NNT: variants seen among roughly 807,000 people sequenced by gnomAD.
NNT encodes the protein NAD(P) transhydrogenase, mitochondrial.
A neutral mutation model predicts 104.8 loss-of-function variants in NNT; 50 were observed. The observed-to-expected ratio is 0.48, with a 90% CI of 0.38 to 0.60. NNT has a LOEUF of 0.60. NNT is among the 20% of genes least tolerant of loss of function. The pLI, the probability that NNT is intolerant of heterozygous loss-of-function variation, is 0.00. For synonymous variants in NNT, 461 were observed against 490.4 expected (o/e 0.94, Z 0.79); for missense variants, 1,131 against 1,330.7 (o/e 0.85, Z 2.33).
intron 5 of NNT, 121 bp from the exon 6 acceptor site, chr5:43,623,911 C>T (rs774624334): frequency 2.2e-5 from 19 of 872,782 alleles, no homozygotes; most frequent in Non-Finnish European, 3.3e-5. Flanking sequence ...TCATCATTAT[C>T]ACCATCTGCA....
chr5:43,657,461 G>GTT (rs1333425901), intron 16 of NNT, among the ~76,000 whole-genome samples: 5 of 152,074 alleles, frequency 3.3e-5, no homozygotes, highest in Admixed American at 3.3e-4. Flanking sequence ...GTTATTCACT[G>GTT]TTACTCATGT....
intron 18 of NNT, among the ~76,000 whole-genome samples, chr5:43,676,862 C>T (rs898087344): frequency 6.6e-6 from 1 of 151,990 alleles, no homozygotes; most frequent in Non-Finnish European, 1.5e-5. Context: ...GTTTTTAGGA[C>T]TTAGAGAATA....
chr5:43,678,669 A>G (rs961624148), intron 19 of NNT, among the ~76,000 whole-genome samples: 1 of 152,126 alleles, frequency 6.6e-6, no homozygotes, highest in African/African-American at 2.4e-5. Context: ...CCAAGTAATA[A>G]ACCTGTGCCC....
chr5:43,672,553 CA>C (rs1406244024), intron 17 of NNT, among the ~76,000 whole-genome samples: 2 of 152,338 alleles, frequency 1.3e-5, no homozygotes, highest in East Asian at 3.9e-4. Flanking sequence ...AGGTCCACTC[CA>C]GACCGTGTTT....
chr5:43,686,691 A>T (rs1273715149), intron 19 of NNT, among the ~76,000 whole-genome samples: 1 of 152,136 alleles, frequency 6.6e-6, no homozygotes. Flanking sequence ...ATGAACATTT[A>T]TATTATTATA....
At chr5:43,690,111 A>G (rs1742187650) in intron 19 of NNT, among the ~76,000 whole-genome samples, 1 of 152,150 alleles carries the variant, frequency 6.6e-6, no homozygotes, top group Non-Finnish European at 1.5e-5. Flanking sequence ...TAATCGAGGA[A>G]AACCCCCCTG....
intron 10 of NNT, chr5:43,647,951 A>G (rs774050443): frequency 1.3e-5 from 6 of 473,630 alleles, no homozygotes; most frequent in South Asian, 7.7e-5. Context: ...TGATAATTTT[A>G]CCTATGAAGA....
Position 43,609,364 on chromosome 5 carries a change from T to A in NNT, c.151+18T>A. On this transcript the variant is annotated intron_variant, in intron 2 of 21. Transcript: ENST00000344920. ...AAAACCAGGTAAAGTCTCACTTCAG[T>A]GATTGTAAATGAAACCTTCAAGTCA... The A allele has an allele frequency of 1.9e-6, 3 of 1,611,174 alleles. No homozygotes were observed. Among genetic ancestry groups the A allele is most frequent in the Non-Finnish European group, 2.5e-6 (3 of 1,178,314 alleles).
At chr5:43,648,149 C>A (rs556501593) in intron 10 of NNT, 1 of 1,140,064 alleles carries the variant, frequency 8.8e-7, no homozygotes, top group African/African-American at 1.6e-5. Flanking sequence ...GGTTAATGGG[C>A]TATGCACTGG....
intron 7 of NNT, among the ~76,000 whole-genome samples, chr5:43,643,989 C>T (rs1223606043): frequency 6.6e-6 from 1 of 152,224 alleles, no homozygotes; most frequent in Non-Finnish European, 1.5e-5. Context: ...CTTCCTCCTG[C>T]ACACTGCCTT....
intron 19 of NNT, among the ~76,000 whole-genome samples, chr5:43,691,276 T>A (rs1002394903): frequency 3.3e-5 from 5 of 152,160 alleles, no homozygotes; most frequent in African/African-American, 1.2e-4. Context: ...AATTTTTGTA[T>A]TTTTTAAAAT....
At chr5:43,660,375 CTCT>C (rs1200576132) in intron 17 of NNT, among the ~76,000 whole-genome samples, 1 of 152,090 alleles carries the variant, frequency 6.6e-6, no homozygotes, top group Non-Finnish European at 1.5e-5. Context: ...GTTTCAAGTT[CTCT>C]TCTTGATGGC....
At chr5:43,669,136 C>T (rs1415369736) in intron 17 of NNT, among the ~76,000 whole-genome samples, 1 of 152,022 alleles carries the variant, frequency 6.6e-6, no homozygotes, top group South Asian at 2.1e-4. Flanking sequence ...ATTTTGTATC[C>T]TGAGACTTTG....
At chr5:43,688,134 A>G (rs1742077535) in intron 19 of NNT, among the ~76,000 whole-genome samples, 1 of 152,130 alleles carries the variant, frequency 6.6e-6, no homozygotes, top group Non-Finnish European at 1.5e-5. Context: ...CCAGAACCTA[A>G]TGACTATTTT....
intron 19 of NNT, among the ~76,000 whole-genome samples, chr5:43,688,658 ATTTTCCATTTGG>A (rs974016272): frequency 2.6e-5 from 4 of 152,058 alleles, no homozygotes; most frequent in African/African-American, 9.7e-5. Flanking sequence ...AGAACATATA[ATTTTCCATTTGG>A]TTTTCCATTC....
chr5:43,624,991 A>G (rs1249576682), intron 6 of NNT, among the ~76,000 whole-genome samples: 1 of 152,226 alleles, frequency 6.6e-6, no homozygotes, highest in Non-Finnish European at 1.5e-5. Context: ...GTCTTTATCT[A>G]GAGTTAAAGT....
intron 19 of NNT, among the ~76,000 whole-genome samples, chr5:43,688,195 G>A (rs1742080632): frequency 6.6e-6 from 1 of 152,090 alleles, no homozygotes; most frequent in Non-Finnish European, 1.5e-5. Context: ...TGAGGATTTT[G>A]AGATGGGGAG....
chr5:43,617,338 T>A (rs1430540665), intron 4 of NNT, among the ~76,000 whole-genome samples: 1 of 152,192 alleles, frequency 6.6e-6, no homozygotes. Flanking sequence ...TTGGGTACAC[T>A]GAGTATGGCA....
intron 19 of NNT, among the ~76,000 whole-genome samples, chr5:43,696,600 TGCACTGCAGTA>T (rs919740139): frequency 4.6e-5 from 7 of 152,238 alleles, no homozygotes; most frequent in Non-Finnish European, 1.0e-4. Flanking sequence ...ATTTCCCTTC[TGCACTGCAGTA>T]GCAGAGGTTC....
Sources: allele counts gnomAD v4.1 joint callset (sites outside exome capture counted in the v4.1 genomes callset), GRCh38; gene constraint gnomAD v4.1.1; transcripts MANE v1.5; gene names NCBI Gene and HGNC (gene_info 2026-07-23, HGNC 2026-07-21).